Variants in MYO1E observed in about 807,000 individuals in gnomAD.
MYO1E encodes unconventional myosin-Ie.
Under a neutral mutation model 151.1 loss-of-function variants are expected in MYO1E, and 68 were observed. That is an observed-to-expected ratio of 0.45 (90% CI 0.37 to 0.55). MYO1E has a LOEUF of 0.55. MYO1E is among the 20% of genes least tolerant of loss of function. The pLI, the probability that MYO1E is intolerant of heterozygous loss-of-function variation, is 0.00. For synonymous variants in MYO1E, 601 were observed against 501.7 expected, an observed-to-expected ratio of 1.20 and a Z score of -2.64; for missense variants, 1,363 against 1,389.3, an observed-to-expected ratio of 0.98 and a Z score of 0.30.
At chr15:59,220,075 T>G (rs1367253278) in intron 9 of MYO1E, among the ~76,000 whole-genome samples, 1 of 152,224 alleles carries the variant, frequency 6.6e-6, no homozygotes, top group Non-Finnish European at 1.5e-5. Context: ...GATTTCTTAG[T>G]TTGTTTAGCT....
At chr15:59,206,001 TAACA>T (rs1265985268) in intron 14 of MYO1E, among the ~76,000 whole-genome samples, 1 of 152,066 alleles carries the variant, frequency 6.6e-6, no homozygotes, top group African/African-American at 2.4e-5. Context: ...ATACTCTGTT[TAACA>T]AGAGATCAGC....
chr15:59,362,777 C>T (rs2080892466), intron 1 of MYO1E, among the ~76,000 whole-genome samples: 1 of 152,082 alleles, frequency 6.6e-6, no homozygotes, highest in African/African-American at 2.4e-5. Context: ...GTAATGTTAT[C>T]CTAAATTGCT....
chr15:59,285,057 T>C (rs1356307535), intron 1 of MYO1E, among the ~76,000 whole-genome samples: 4 of 152,192 alleles, frequency 2.6e-5, no homozygotes, highest in South Asian at 2.1e-4. Flanking sequence ...ATCACCACTC[T>C]TGTTTTTAAG....
chr15:59,350,824 G>A lies in MYO1E; in HGVS notation c.3+21674C>T, dbSNP rs890545232. ...ATTTGGAGAAGGGAATGATCTCCACGAGTTAAATCAGAGGCTTCCAGGAAA... is the reference window on the plus strand; with the variant it reads ...ATTTGGAGAAGGGAATGATCTCCACAAGTTAAATCAGAGGCTTCCAGGAAA... On this transcript the variant is annotated intron_variant, in intron 1 of 27. Transcript: ENST00000288235. The surrounding 1 kb of genome is among the most constrained non-coding windows in gnomAD (Gnocchi z 5.0). Among the ~76,000 whole-genome samples, 18 of 152,206 alleles carry A rather than the reference G, an allele frequency of 1.2e-4. No homozygotes were observed. The highest frequency in any genetic ancestry group is 5.8e-4 in the East Asian group (3 of 5,200).
intron 1 of MYO1E, among the ~76,000 whole-genome samples, chr15:59,289,107 G>GCCA (rs2080404633): frequency 6.6e-6 from 1 of 152,144 alleles, no homozygotes; most frequent in South Asian, 2.1e-4. Flanking sequence ...AGAGGTGAAA[G>GCCA]GATGTGTCCA....
At chr15:59,146,777 A>G (rs1002315850) in intron 26 of MYO1E, among the ~76,000 whole-genome samples, 3 of 150,940 alleles carry the variant, frequency 2.0e-5, no homozygotes, top group Admixed American at 6.6e-5. Flanking sequence ...TTATAAAACT[A>G]TACATCACTG....
At position 59,225,679 on chromosome 15, in the gene MYO1E, C is replaced by T. The variant is rs531976884; in HGVS notation, c.643-856G>A. Among the ~76,000 whole-genome samples the T allele has an allele frequency of 1.2e-3, 169 of 146,236 alleles. 1 individual carries two copies. Among genetic ancestry groups the T allele is most frequent in the Admixed American group, 4.0e-3 (58 of 14,362 alleles). ...TTTTTTTTTTTGAGACGGAGTCTCA[C>T]TCTGTCGCCCAGGCTGGAGTGCACT... On this transcript the variant is annotated intron_variant, in intron 7 of 27. Coordinates refer to ENST00000288235, the MANE Select transcript of MYO1E (RefSeq NM_004998.4).
chr15:59,150,111 A>G (rs2079467195), intron 26 of MYO1E, among the ~76,000 whole-genome samples: 1 of 152,236 alleles, frequency 6.6e-6, no homozygotes, highest in Non-Finnish European at 1.5e-5. Context: ...CCAAGGTACT[A>G]TTTTGTAAGG....
chr15:59,177,609 G>A (rs1440358606), intron 19 of MYO1E, among the ~76,000 whole-genome samples: 1 of 152,152 alleles, frequency 6.6e-6, no homozygotes, highest in South Asian at 2.1e-4. Context: ...AGCTTAAAAA[G>A]GAATGAATGT....
In MYO1E at chr15:59,170,331, G is replaced by C. The variant is rs1003678240; in HGVS notation, c.2480+1566C>G. 2.0e-5 allele frequency among the ~76,000 whole-genome samples: 3 copies of C among 152,184 alleles called. 1 individual carries two copies. Among genetic ancestry groups the C allele is most frequent in the African/African-American group, 7.2e-5 (3 of 41,434 alleles). ...CGGCACAGCGACTACACACACCCTA[G>C]AGCTGTGGTTCCCTGACTTTCACCT... On this transcript the variant is annotated intron_variant, in intron 22 of 27. Transcript: ENST00000288235.
intron 19 of MYO1E, among the ~76,000 whole-genome samples, chr15:59,175,323 CAAAGT>C (rs1263821295): frequency 6.6e-6 from 1 of 152,112 alleles, no homozygotes; most frequent in Non-Finnish European, 1.5e-5. Context: ...AATAAAAATC[CAAAGT>C]AAAGATGATG....
intron 25 of MYO1E, among the ~76,000 whole-genome samples, chr15:59,156,054 A>G (rs756678489): frequency 2.0e-5 from 3 of 152,078 alleles, no homozygotes; most frequent in Admixed American, 6.5e-5. Flanking sequence ...ACAGGGTCTC[A>G]CTCTGTTACT....
intron 1 of MYO1E, among the ~76,000 whole-genome samples, chr15:59,314,350 TG>T (rs1215659841): frequency 6.6e-6 from 1 of 152,222 alleles, no homozygotes; most frequent in Non-Finnish European, 1.5e-5. Flanking sequence ...GTTATACTAT[TG>T]ATAGTTATTC....
intron 22 of MYO1E, 123 bp from the exon 23 acceptor site, chr15:59,163,426 T>A: frequency 1.0e-6 from 1 of 959,010 alleles, no homozygotes; most frequent in Admixed American, 2.5e-5. Context: ...TCTTTCTTTC[T>A]ATAAGTAATA....
At chr15:59,266,929 A>G (rs11632638) in intron 2 of MYO1E, 4,444 of 148,918 alleles carry the variant, frequency 0.03, 93 homozygotes, top group South Asian at 0.048. Flanking sequence ...CCAAAGTGCT[A>G]GGATTACAGG....
At chr15:59,217,756 G>A in intron 10 of MYO1E, 135 bp downstream of exon 10, 1 of 992,636 alleles carries the variant, frequency 1.0e-6, no homozygotes, top group Non-Finnish European at 1.6e-6. Flanking sequence ...TCAAACTCCT[G>A]GGCTGCAGTG....
intron 22 of MYO1E, among the ~76,000 whole-genome samples, chr15:59,168,714 G>A (rs1043010658): frequency 6.6e-6 from 1 of 151,672 alleles, no homozygotes; most frequent in Non-Finnish European, 1.5e-5. Context: ...TTGACCTATT[G>A]GGCTCAAGCA....
chr15:59,186,994 A>T (rs944708366), intron 18 of MYO1E, among the ~76,000 whole-genome samples: 3 of 152,208 alleles, frequency 2.0e-5, no homozygotes, highest in Non-Finnish European at 4.4e-5. Flanking sequence ...AAATTTATAC[A>T]TGGATTGTAC....
rs140521814 is a variant in MYO1E at position 59,272,347 on chromosome 15, C to T, written c.106G>A (p.Val36Met). The change falls in exon 2 of 28, where the codon GTG becomes ATG. Residue 36 changes from valine to methionine, a missense_variant. Physicochemically the swap from Val to Met is conservative, Grantham distance 21. Transcript: ENST00000288235. Reference sequence around the variant, plus strand: ...ATGTATCTCTTCTTCAGATTCTCCACGATGGAGTTCTCTGTGATCTTGGAC... The same window carrying T: ...ATGTATCTCTTCTTCAGATTCTCCATGATGGAGTTCTCTGTGATCTTGGAC... ...LLSKITENSI[V>M]ENLKKRYMDD... The T allele has an allele frequency of 1.5e-5, 24 of 1,614,094 alleles. No individual in the cohort carries two copies. Among genetic ancestry groups the T allele is most frequent in the East Asian group, 4.5e-5 (2 of 44,886 alleles).
Sources: gnomAD v4.1 joint callset for allele counts (sites outside exome capture counted in the v4.1 genomes callset) on GRCh38, gnomAD v4.1.1 for gene constraint, Gnocchi (gnomAD v3.1) non-coding constraint, MANE v1.5 for transcripts, NCBI Gene and HGNC (gene_info 2026-07-23, HGNC 2026-07-21) for gene names.